The following LRRC37A2 variants were observed in gnomAD, a reference collection of about 807,000 sequenced individuals.
The protein encoded by LRRC37A2 is leucine-rich repeat-containing protein 37A2.
A neutral mutation model predicts 68.8 loss-of-function variants in LRRC37A2; 9 were observed. That is an observed-to-expected ratio of 0.13 (90% CI 0.08 to 0.23). The LOEUF is 0.23. Among genes scored for constraint, LRRC37A2 ranks in the 10% least tolerant of loss-of-function variants. LRRC37A2 has a pLI of 1.00. For synonymous variants in LRRC37A2, 63 were observed against 367.6 expected (o/e 0.17, Z 9.48); for missense variants, 168 against 950.4 (o/e 0.18, Z 10.82).
the LRRC37A2 span, chr17:46,978,761 C>G: frequency 1.9e-6 from 3 of 1,612,502 alleles, no homozygotes; most frequent in African/African-American, 4.0e-5. Context: ...AAGAAGACGC[C>G]GAAGACCACG....
chr17:46,768,979 C>T, the LRRC37A2 span, among the ~76,000 whole-genome samples: 1 of 152,212 alleles, frequency 6.6e-6, no homozygotes, highest in Non-Finnish European at 1.5e-5. The surrounding 1 kb of genome is among the most constrained non-coding windows in gnomAD (Gnocchi z 5.0). Context: ...TTTCCCTCCC[C>T]CTTCACACCC....
At chr17:46,464,155 T>C in the LRRC37A2 span, among the ~76,000 whole-genome samples, 8 of 26,260 alleles carry the variant, frequency 3.0e-4, no homozygotes, top group East Asian at 2.8e-3. Flanking sequence ...ATTTCAACTC[T>C]TCAGAAAGTC....
the LRRC37A2 span, among the ~76,000 whole-genome samples, chr17:46,646,502 CAAAAAAAAAAAAAAAA>C: frequency 6.0e-3 from 3 of 502 alleles, 1 homozygote; most frequent in Non-Finnish European, 0.016. Context: ...GACTCCATCT[CAAAAAAAAAAAAAAAA>C]AAAAAAAAAA....
chr17:47,005,356 G>A, the LRRC37A2 span, among the ~76,000 whole-genome samples: 5 of 152,156 alleles, frequency 3.3e-5, no homozygotes, highest in Non-Finnish European at 2.9e-5. Context: ...TTTGAGGCCC[G>A]AAAGTCTTTT....
chr17:46,765,289 T>C, the LRRC37A2 span, among the ~76,000 whole-genome samples: 1 of 152,182 alleles, frequency 6.6e-6, no homozygotes, highest in Non-Finnish European at 1.5e-5. Context: ...GATCCAGGAC[T>C]TGGGCGCAGC....
the LRRC37A2 span, among the ~76,000 whole-genome samples, chr17:46,864,597 G>A: frequency 3.0e-4 from 45 of 152,288 alleles, no homozygotes; most frequent in African/African-American, 1.1e-3. Flanking sequence ...GGTCAGAGGA[G>A]TCCTGACCAG....
the LRRC37A2 span, among the ~76,000 whole-genome samples, chr17:46,969,973 T>C: frequency 1.3e-5 from 2 of 152,122 alleles, no homozygotes; most frequent in African/African-American, 4.8e-5. Context: ...ACACAGGCTG[T>C]GCAAGCAGAC....
At chr17:46,865,351 G>T in the LRRC37A2 span, among the ~76,000 whole-genome samples, 2 of 152,144 alleles carry the variant, frequency 1.3e-5, no homozygotes, top group East Asian at 3.9e-4. Flanking sequence ...AGGAAGTGGG[G>T]CTGTGCTTGG....
the LRRC37A2 span, among the ~76,000 whole-genome samples, chr17:46,994,213 C>T: frequency 3.3e-5 from 5 of 151,946 alleles, no homozygotes; most frequent in Admixed American, 2.0e-4. Context: ...AGTGAAACCC[C>T]GTCTCTACTA....
At chr17:46,836,095 C>CGCGTGTGTGTGTGTGTGT in the LRRC37A2 span, among the ~76,000 whole-genome samples, 1 of 126,434 alleles carries the variant, frequency 7.9e-6, no homozygotes, top group African/African-American at 3.2e-5. Context: ...GAGACGCTGA[C>CGCGTGTGTGTGTGTGTGT]GTGTGTGTGT....
At chr17:46,621,395 T>C in the LRRC37A2 span, among the ~76,000 whole-genome samples, 1 of 128,614 alleles carries the variant, frequency 7.8e-6, no homozygotes, top group East Asian at 2.3e-4. Context: ...CACGCCTTTC[T>C]CCTGCCTCAG....
the LRRC37A2 span, chr17:46,963,793 G>A: frequency 1.3e-5 from 2 of 152,174 alleles, no homozygotes; most frequent in Non-Finnish European, 2.9e-5. Flanking sequence ...GGGACTGGCT[G>A]AATTCTCTTT....
the LRRC37A2 span, chr17:47,019,402 C>T: frequency 3.1e-6 from 5 of 1,611,058 alleles, no homozygotes; most frequent in Admixed American, 1.7e-5. Context: ...GAGGTTAAAC[C>T]ATCTCCAACC....
At chr17:46,780,751 T>C in the LRRC37A2 span, among the ~76,000 whole-genome samples, 2 of 151,560 alleles carry the variant, frequency 1.3e-5, no homozygotes, top group African/African-American at 4.9e-5. Context: ...CGCTCCAGCC[T>C]GGGTGACAGA....
At chr17:46,815,708 C>T in the LRRC37A2 span, among the ~76,000 whole-genome samples, 1 of 152,162 alleles carries the variant, frequency 6.6e-6, no homozygotes, top group South Asian at 2.1e-4. Context: ...GACTCTAGTG[C>T]CTGGACAGAC....
chr17:46,730,435 G>A, the LRRC37A2 span, among the ~76,000 whole-genome samples: 1 of 152,048 alleles, frequency 6.6e-6, no homozygotes, highest in South Asian at 2.1e-4. Context: ...TTAAACAGAG[G>A]TACACCCCCT....
chr17:46,884,054 C>A, the LRRC37A2 span, among the ~76,000 whole-genome samples: 6 of 152,262 alleles, frequency 3.9e-5, no homozygotes, highest in South Asian at 1.0e-3. Context: ...CGGGCAGAGG[C>A]ACGGGAGAAC....
At chr17:46,947,255 C>T in the LRRC37A2 span, among the ~76,000 whole-genome samples, 1 of 152,274 alleles carries the variant, frequency 6.6e-6, no homozygotes, top group African/African-American at 2.4e-5. Context: ...AGCAGGGCAG[C>T]CTCCTCTTTG....
the LRRC37A2 span, chr17:46,818,681 G>T: frequency 7.6e-7 from 1 of 1,315,430 alleles, no homozygotes; most frequent in Non-Finnish European, 1.1e-6. Context: ...AAGTCCACTT[G>T]AGATTGGAAA....
Sources: allele counts gnomAD v4.1 joint callset (sites outside exome capture counted in the v4.1 genomes callset), GRCh38; gene constraint gnomAD v4.1.1; non-coding constraint Gnocchi (gnomAD v3.1); transcripts MANE v1.5; gene names NCBI Gene and HGNC (gene_info 2026-07-23, HGNC 2026-07-21).